The following TRPC4AP variants were observed in gnomAD, a reference collection of about 807,000 sequenced individuals.
TRPC4AP encodes the protein transient receptor potential cation channel subfamily C member 4 associated protein, also known as short transient receptor potential channel 4-associated protein.
In TRPC4AP, 45 loss-of-function variants were observed where a neutral mutation model predicts 99.0. The observed-to-expected ratio is 0.45, with a 90% CI of 0.36 to 0.58. The LOEUF (loss-of-function observed/expected upper bound fraction) is 0.58. Ranked by LOEUF, TRPC4AP falls within the 20% of genes least tolerant of loss-of-function variation. TRPC4AP has a pLI of 0.00. For missense variants in TRPC4AP, 879 were observed against 985.3 expected (o/e 0.89, Z 1.44); for synonymous variants, 408 against 385.8 (o/e 1.06, Z -0.67).
chr20:35,023,071 C>G (rs2082932982), intron 8 of TRPC4AP, among the ~76,000 whole-genome samples: 1 of 151,606 alleles, frequency 6.6e-6, no homozygotes, highest in Non-Finnish European at 1.5e-5. Flanking sequence ...ATCCTACAGA[C>G]TTGGAACTAT....
chr20:35,084,657 CAT>C (rs1277093918), intron 1 of TRPC4AP, among the ~76,000 whole-genome samples: 6 of 97,116 alleles, frequency 6.2e-5, no homozygotes, highest in Admixed American at 3.2e-4. Flanking sequence ...TGTTTATATG[CAT>C]ATATGTGTAT....
chr20:35,005,012 C>T (rs2082488137), intron 16 of TRPC4AP, among the ~76,000 whole-genome samples: 1 of 152,220 alleles, frequency 6.6e-6, no homozygotes, highest in African/African-American at 2.4e-5. Context: ...AGTGCTGAGA[C>T]CACAAGGCAC....
chr20:35,064,447 G>A (rs75501571), intron 3 of TRPC4AP, among the ~76,000 whole-genome samples: 1,913 of 152,352 alleles, frequency 0.013, 30 homozygotes, highest in African/African-American at 0.044. Flanking sequence ...CACATGCCAT[G>A]AGATTGCTCG....
intron 15 of TRPC4AP, 23 bp downstream of exon 15, chr20:35,006,410 CCA>C (rs1419696548): frequency 4.3e-6 from 7 of 1,612,052 alleles, no homozygotes; most frequent in African/African-American, 4.0e-5. Flanking sequence ...CCAGCACACT[CCA>C]CAGAGCCCTG....
intron 3 of TRPC4AP, among the ~76,000 whole-genome samples, chr20:35,067,835 TG>T (rs2145986753): frequency 6.6e-6 from 1 of 152,062 alleles, no homozygotes; most frequent in South Asian, 2.1e-4. Flanking sequence ...TATACTAGTG[TG>T]GGGAGAGGGG....
chr20:35,008,832 G>GAAAAAAAAAAA, intron 12 of TRPC4AP, 85 bp from the exon 13 acceptor site: 1 of 1,260,924 alleles, frequency 7.9e-7, no homozygotes, highest in African/African-American at 1.5e-5. Context: ...CTTAGGCGGT[G>GAAAAAAAAAAA]AAAAACCATG....
In TRPC4AP at chr20:35,092,773, C is replaced by G. The variant is rs1410410201; in HGVS notation, c.9G>C (p.Ala3=). The change falls in exon 1 of 19, where the codon GCG becomes GCC. Residue 3 remains alanine (A), a synonymous_variant. Transcript: ENST00000252015. MA[A]APVAAGSGAG... is the part of the protein sequence containing the mutation. ...CTCCAGACCCAGCCGCTACCGGCGC[C>G]GCCGCCATGTCTCCTCGTCGGACAA... is the stretch of plus-strand genomic sequence containing the variant. 2 of 1,536,712 alleles carry G rather than the reference C, an allele frequency of 1.3e-6. No individual in the cohort carries two copies. Among genetic ancestry groups the G allele is most frequent in the Non-Finnish European group, 1.7e-6 (2 of 1,154,028 alleles).
intron 6 of TRPC4AP, among the ~76,000 whole-genome samples, chr20:35,045,130 A>T (rs973766672): frequency 6.6e-6 from 1 of 152,078 alleles, no homozygotes; most frequent in Non-Finnish European, 1.5e-5. Context: ...TGTATCCCCC[A>T]TCCAGTCGCA....
At chr20:35,039,972 G>A (rs1042891862) in intron 7 of TRPC4AP, among the ~76,000 whole-genome samples, 15 of 150,746 alleles carry the variant, frequency 1.0e-4, no homozygotes, top group African/African-American at 3.7e-4. Context: ...CATTATTTTT[G>A]CTAGACAAGA....
intron 2 of TRPC4AP, among the ~76,000 whole-genome samples, chr20:35,075,399 T>C (rs1050970726): frequency 2.0e-5 from 3 of 152,218 alleles, no homozygotes; most frequent in African/African-American, 7.2e-5. Flanking sequence ...TTGGTATCGG[T>C]TGTTCCTTTC....
chr20:35,071,214 A>G (rs755102098), intron 2 of TRPC4AP, among the ~76,000 whole-genome samples: 2 of 152,212 alleles, frequency 1.3e-5, no homozygotes, highest in African/African-American at 4.8e-5. Flanking sequence ...TTCACCTCTG[A>G]AGAACACTGT....
intron 9 of TRPC4AP, among the ~76,000 whole-genome samples, chr20:35,019,287 G>A (rs2082829535): frequency 6.6e-6 from 1 of 152,170 alleles, no homozygotes; most frequent in South Asian, 2.1e-4. Flanking sequence ...GTTTTGGGGG[G>A]CCAGGATTTC....
At chr20:35,067,315 T>C (rs1313640181) in intron 3 of TRPC4AP, among the ~76,000 whole-genome samples, 1 of 152,146 alleles carries the variant, frequency 6.6e-6, no homozygotes, top group East Asian at 1.9e-4. Flanking sequence ...CAAAACGCCA[T>C]CTCAGTACTT....
chr20:35,004,713 GCAGA>G (rs777389084), intron 16 of TRPC4AP, 143 bp from the exon 17 acceptor site: 15 of 670,780 alleles, frequency 2.2e-5, no homozygotes, highest in Non-Finnish European at 3.7e-5. Flanking sequence ...GCTGACTGTG[GCAGA>G]AAGAAGGACC....
intron 16 of TRPC4AP, among the ~76,000 whole-genome samples, chr20:35,004,833 C>G (rs1420482501): frequency 2.0e-5 from 3 of 152,248 alleles, no homozygotes; most frequent in Non-Finnish European, 2.9e-5. Context: ...CAGCCCTCCC[C>G]AGACTGGCTC....
At chr20:35,028,296 A>T (rs925768692) in intron 8 of TRPC4AP, among the ~76,000 whole-genome samples, 1 of 151,426 alleles carries the variant, frequency 6.6e-6, no homozygotes, top group Admixed American at 6.6e-5. Context: ...CGGGGGTTCA[A>T]GCAATTTTCC....
At chr20:35,085,656 G>C (rs1488328513) in intron 1 of TRPC4AP, among the ~76,000 whole-genome samples, 1 of 150,920 alleles carries the variant, frequency 6.6e-6, no homozygotes, top group African/African-American at 2.4e-5. Context: ...CTTGTGAACA[G>C]CTCAGCACTG....
At position 35,051,033 on chromosome 20, in the gene TRPC4AP, T is replaced by TACACACAC. The variant is rs34091819; in HGVS notation, c.529-1047_529-1040dup. On this transcript the variant is annotated intron_variant, in intron 5 of 18. Coordinates refer to ENST00000252015, the MANE Select transcript of TRPC4AP (RefSeq NM_015638.3). Reference sequence around the variant, plus strand: ...AAGAAACTGCAGTACTGCTATAGCTTACACACACACACACACACACACACA... The same window carrying TACACACAC: ...AAGAAACTGCAGTACTGCTATAGCTTACACACACACACACACACACACACACACACACA... Among the ~76,000 whole-genome samples the TACACACAC allele has an allele frequency of 1.3e-3, 190 of 144,990 alleles. 1 individual carries two copies. Among genetic ancestry groups the TACACACAC allele is most frequent in the African/African-American group, 3.5e-3 (136 of 39,380 alleles).
chr20:35,089,247 G>A (rs2084971507), intron 1 of TRPC4AP, among the ~76,000 whole-genome samples: 1 of 151,790 alleles, frequency 6.6e-6, no homozygotes, highest in East Asian at 1.9e-4. Context: ...TATAGTTTGA[G>A]GCAGGGTCTC....
Sources: allele counts gnomAD v4.1 joint callset (sites outside exome capture counted in the v4.1 genomes callset), GRCh38; gene constraint gnomAD v4.1.1; transcripts MANE v1.5; gene names NCBI Gene and HGNC (gene_info 2026-07-23, HGNC 2026-07-21).